The following MRPS27 variants were observed in gnomAD, a reference collection of about 807,000 sequenced individuals.
MRPS27 encodes the protein mitochondrial ribosomal protein S27.
Under a neutral mutation model 48.9 loss-of-function variants are expected in MRPS27, and 43 were observed. The ratio of observed to expected loss-of-function variants is 0.88; its 90% CI spans 0.69 to 1.13. The LOEUF (loss-of-function observed/expected upper bound fraction) is 1.13. Ranked by LOEUF, MRPS27 falls within the 50% of genes most tolerant of loss-of-function variation. The pLI, the probability that MRPS27 is intolerant of heterozygous loss-of-function variation, is 0.00. For synonymous variants in MRPS27, 188 were observed against 171.9 expected (o/e 1.09, Z -0.73); for missense variants, 467 against 476.3 (o/e 0.98, Z 0.18).
At chr5:72,280,066 C>T (rs182050022) in intron 4 of MRPS27, among the ~76,000 whole-genome samples, 1 of 152,304 alleles carries the variant, frequency 6.6e-6, no homozygotes, top group East Asian at 1.9e-4. Context: ...CTCTATTCTG[C>T]TCCACTAGTC....
chr5:72,268,653 A>G (rs1469283939), intron 4 of MRPS27, among the ~76,000 whole-genome samples: 1 of 152,172 alleles, frequency 6.6e-6, no homozygotes, highest in Non-Finnish European at 1.5e-5. Flanking sequence ...TCATTCATTA[A>G]CTGTTTGATT....
At chr5:72,278,690 T>C (rs988588618) in intron 4 of MRPS27, among the ~76,000 whole-genome samples, 1 of 152,186 alleles carries the variant, frequency 6.6e-6, no homozygotes, top group African/African-American at 2.4e-5. Context: ...TTGCATATTT[T>C]CAAACTACAT....
intron 4 of MRPS27, among the ~76,000 whole-genome samples, chr5:72,287,391 G>A (rs1362478600): frequency 6.6e-6 from 1 of 152,208 alleles, no homozygotes; most frequent in Non-Finnish European, 1.5e-5. Flanking sequence ...TGTAATCCCA[G>A]CACTTTGGGA....
intron 4 of MRPS27, among the ~76,000 whole-genome samples, chr5:72,284,603 G>A (rs1749622023): frequency 1.3e-5 from 2 of 152,118 alleles, no homozygotes; most frequent in South Asian, 2.1e-4. Context: ...ACAATTCAAT[G>A]AGAAGTCATC....
rs542007018 is a variant in MRPS27 at position 72,221,120 on chromosome 5, C to A, written c.1034G>T (p.Gly345Val). Reference protein sequence around the residue: ...KALHSKLQALGKIESEGLLSL... With the variant: ...KALHSKLQALVKIESEGLLSL... ...TAAAAGACCTTCTGACTCAATTTTG[C>A]CCAGAGCTTGAAGCTTAGAATGTAA... Residue 345 changes from glycine to valine, a missense_variant, in exon 11 of 11, where the codon GGC (glycine) becomes GTC (valine). By Grantham distance (109) the Gly-to-Val change is moderately radical. Coordinates refer to ENST00000261413, the MANE Select transcript of MRPS27 (RefSeq NM_015084.3). 1 of 1,613,998 alleles carries A rather than the reference C, an allele frequency of 6.2e-7. No homozygotes were observed. Among genetic ancestry groups the A allele is most frequent in the South Asian group, 1.1e-5 (1 of 91,082 alleles).
At chr5:72,241,416 T>C in intron 4 of MRPS27, 1 of 533,954 alleles carries the variant, frequency 1.9e-6, no homozygotes, top group Non-Finnish European at 3.3e-6. Context: ...AGGAAGCAAA[T>C]GAACTCCTTT....
At chr5:72,291,950 G>T (rs1047454281) in intron 4 of MRPS27, among the ~76,000 whole-genome samples, 1 of 152,232 alleles carries the variant, frequency 6.6e-6, no homozygotes, top group African/African-American at 2.4e-5. Flanking sequence ...TAATATCTGT[G>T]CAAGAGCACA....
At chr5:72,316,294 C>T (rs1274301431) in intron 1 of MRPS27, among the ~76,000 whole-genome samples, 1 of 152,172 alleles carries the variant, frequency 6.6e-6, no homozygotes, top group Non-Finnish European at 1.5e-5. Flanking sequence ...TGAAAATGTC[C>T]TAAAATAGCT....
chr5:72,266,598 G>A (rs1034044326), intron 4 of MRPS27, among the ~76,000 whole-genome samples: 4 of 152,324 alleles, frequency 2.6e-5, no homozygotes, highest in Admixed American at 2.0e-4. Context: ...GGTGGCTCAC[G>A]CCTGTAATCC....
intron 2 of MRPS27, among the ~76,000 whole-genome samples, chr5:72,303,413 G>A (rs942712814): frequency 8.5e-5 from 13 of 152,148 alleles, no homozygotes; most frequent in Non-Finnish European, 1.6e-4. Flanking sequence ...AGATAAAAAT[G>A]AGAACTGTAA....
intron 2 of MRPS27, among the ~76,000 whole-genome samples, chr5:72,300,365 T>C (rs1379610667): frequency 2.0e-5 from 3 of 152,178 alleles, no homozygotes; most frequent in Admixed American, 6.5e-5. Context: ...CCCTAGGTGA[T>C]CTCATTCTCT....
At chr5:72,290,073 G>A (rs1479694591) in intron 4 of MRPS27, among the ~76,000 whole-genome samples, 1 of 152,090 alleles carries the variant, frequency 6.6e-6, no homozygotes, top group Non-Finnish European at 1.5e-5. Context: ...GAAAATAATG[G>A]TTTTTGCCAA....
intron 4 of MRPS27, among the ~76,000 whole-genome samples, chr5:72,267,396 C>A (rs147493001): frequency 6.6e-6 from 1 of 151,870 alleles, no homozygotes; most frequent in Non-Finnish European, 1.5e-5. Flanking sequence ...AGACTTCAGT[C>A]CATTGTTCAT....
At chr5:72,289,484 T>C (rs890766270) in intron 4 of MRPS27, among the ~76,000 whole-genome samples, 14 of 152,178 alleles carry the variant, frequency 9.2e-5, no homozygotes, top group African/African-American at 2.2e-4. Context: ...TACAGTGGTA[T>C]GACCTCGGTT....
At chr5:72,279,058 A>G (rs551154993) in intron 4 of MRPS27, among the ~76,000 whole-genome samples, 102 of 152,278 alleles carry the variant, frequency 6.7e-4, no homozygotes, top group African/African-American at 2.4e-3. Flanking sequence ...TTTACTTCAT[A>G]TTGCCAAACT....
intron 4 of MRPS27, among the ~76,000 whole-genome samples, chr5:72,244,015 T>C (rs1192161142): frequency 6.6e-6 from 1 of 152,146 alleles, no homozygotes; most frequent in Admixed American, 6.5e-5. Flanking sequence ...ATTAATTTTG[T>C]AAGAGGAAAA....
chr5:72,250,258 T>C (rs903098771), intron 4 of MRPS27, among the ~76,000 whole-genome samples: 1 of 152,240 alleles, frequency 6.6e-6, no homozygotes, highest in Non-Finnish European at 1.5e-5. Context: ...TGTTGTACCC[T>C]GCTTCTCTCA....
intron 4 of MRPS27, among the ~76,000 whole-genome samples, chr5:72,245,693 A>T (rs1748494218): frequency 6.6e-6 from 1 of 152,234 alleles, no homozygotes; most frequent in Non-Finnish European, 1.5e-5. Context: ...AGAAATGAGC[A>T]GGCAAAGAGC....
rs114887233 is a variant in MRPS27, at chr5:72,281,295, T to C, written c.281+14236A>G. 6.7e-3 allele frequency among the ~76,000 whole-genome samples: 1,013 copies of C among 152,274 alleles called. 9 individuals are homozygous for C. Among genetic ancestry groups the C allele is most frequent in the African/African-American group, 0.021 (870 of 41,552 alleles). On this transcript the variant is annotated intron_variant, in intron 4 of 10. Coordinates refer to ENST00000261413, the MANE Select transcript of MRPS27 (RefSeq NM_015084.3). Reference sequence around the variant, plus strand: ...TATCAATTTCTTGGAGTCTCATAAATACCCTAAAGCACAGGCACTATTTTA... The same window carrying C: ...TATCAATTTCTTGGAGTCTCATAAACACCCTAAAGCACAGGCACTATTTTA...
Sources: allele counts gnomAD v4.1 joint callset (sites outside exome capture counted in the v4.1 genomes callset), GRCh38; gene constraint gnomAD v4.1.1; transcripts MANE v1.5; gene names NCBI Gene and HGNC (gene_info 2026-07-23, HGNC 2026-07-21).